Variants in TBC1D8 observed in about 807,000 individuals in gnomAD.
TBC1D8 encodes BUB2-like protein 1.
In TBC1D8, 65 loss-of-function variants were observed where a neutral mutation model predicts 118.8. The ratio of observed to expected loss-of-function variants is 0.55; its 90% CI spans 0.45 to 0.67. The LOEUF (loss-of-function observed/expected upper bound fraction) is 0.67, where lower values mean the gene tolerates loss of function less well. Ranked by LOEUF, TBC1D8 falls within the 30% of genes least tolerant of loss-of-function variation. The pLI, the probability that TBC1D8 is intolerant of heterozygous loss-of-function variation, is 0.00. For synonymous variants in TBC1D8, 566 were observed against 595.8 expected (o/e 0.95, Z 0.73); for missense variants, 1,376 against 1,471.2 (o/e 0.94, Z 1.06).
At chr2:101,111,274 T>G (rs928171898) in intron 1 of TBC1D8, among the ~76,000 whole-genome samples, 15 of 152,168 alleles carry the variant, frequency 9.9e-5, no homozygotes, top group African/African-American at 3.6e-4. Flanking sequence ...AAGAGATGAC[T>G]GCTATTTTTC....
intron 3 of TBC1D8, among the ~76,000 whole-genome samples, chr2:101,057,312 A>G (rs1225101198): frequency 2.0e-5 from 3 of 152,182 alleles, no homozygotes; most frequent in East Asian, 1.9e-4. Context: ...CCTGAGAGGA[A>G]TCTACATAAC....
chr2:101,123,446 G>A (rs1256607220), intron 1 of TBC1D8, among the ~76,000 whole-genome samples: 2 of 152,086 alleles, frequency 1.3e-5, no homozygotes, highest in Non-Finnish European at 2.9e-5. Context: ...ATTCAGAGTA[G>A]GCCACAACCA....
intron 17 of TBC1D8, among the ~76,000 whole-genome samples, chr2:101,013,976 T>C (rs906653121): frequency 6.6e-6 from 1 of 152,224 alleles, no homozygotes; most frequent in African/African-American, 2.4e-5. Flanking sequence ...GAAATTCCAA[T>C]ACAGCCAAGT....
chr2:101,042,077 C>T (rs1409302139), intron 5 of TBC1D8, among the ~76,000 whole-genome samples: 1 of 151,192 alleles, frequency 6.6e-6, no homozygotes, highest in East Asian at 1.9e-4. Flanking sequence ...AATCAATAAA[C>T]ATTAGTTATT....
intron 2 of TBC1D8, among the ~76,000 whole-genome samples, chr2:101,063,573 C>G (rs998874641): frequency 3.3e-5 from 5 of 152,160 alleles, no homozygotes; most frequent in African/African-American, 1.2e-4. Context: ...ACTGTAATTT[C>G]CTCTGCAGAG....
intron 1 of TBC1D8, among the ~76,000 whole-genome samples, chr2:101,092,965 A>G (rs555184502): frequency 2.2e-4 from 33 of 152,300 alleles, no homozygotes; most frequent in Non-Finnish European, 4.0e-4. Context: ...CAACACGTGG[A>G]GTCTCTTCTG....
chr2:101,147,183 T>C (rs894401074), intron 1 of TBC1D8, among the ~76,000 whole-genome samples: 1 of 151,358 alleles, frequency 6.6e-6, no homozygotes, highest in Non-Finnish European at 1.5e-5. Context: ...TAGTGTTCTG[T>C]TGTATATATC....
chr2:101,053,368 C>T (rs77976661), intron 4 of TBC1D8, among the ~76,000 whole-genome samples: 1,548 of 152,302 alleles, frequency 0.01, 35 homozygotes, highest in African/African-American at 0.035. Context: ...AGGAACACCA[C>T]GTGCCAGAAG....
intron 17 of TBC1D8, among the ~76,000 whole-genome samples, chr2:101,012,519 GAA>G (rs1182936136): frequency 1.3e-5 from 2 of 151,970 alleles, no homozygotes; most frequent in Non-Finnish European, 2.9e-5. Context: ...TACGGCTGGG[GAA>G]AATGGATACA....
At chr2:101,073,835 G>A (rs1674634975) in intron 2 of TBC1D8, among the ~76,000 whole-genome samples, 2 of 152,226 alleles carry the variant, frequency 1.3e-5, no homozygotes, top group African/African-American at 4.8e-5. Context: ...TTAAGAAAGT[G>A]AGAGTCTTGC....
intron 15 of TBC1D8, 109 bp from the exon 16 acceptor site, chr2:101,022,630 G>A (rs1680108000): frequency 7.0e-7 from 1 of 1,429,224 alleles, no homozygotes; most frequent in Non-Finnish European, 9.1e-7. Context: ...ACTCTAACTG[G>A]ATACGTAAAA....
chr2:101,081,348 C>T (rs1675250573), intron 2 of TBC1D8, among the ~76,000 whole-genome samples: 1 of 152,122 alleles, frequency 6.6e-6, no homozygotes. Context: ...TGGCACTTTC[C>T]TTTCTTTCTG....
chr2:101,070,850 T>C (rs989961647), intron 2 of TBC1D8, among the ~76,000 whole-genome samples: 23 of 152,208 alleles, frequency 1.5e-4, no homozygotes, highest in Non-Finnish European at 3.1e-4. Context: ...TAAAAATGGT[T>C]ACTGTAATTA....
chr2:101,036,571 T>C (rs988951010), intron 8 of TBC1D8, among the ~76,000 whole-genome samples: 2 of 152,064 alleles, frequency 1.3e-5, no homozygotes, highest in Non-Finnish European at 2.9e-5. Context: ...ACTGGTCAGC[T>C]CAGAGGGCAA....
At chr2:101,089,626 A>G (rs1353172879) in intron 2 of TBC1D8, among the ~76,000 whole-genome samples, 2 of 152,000 alleles carry the variant, frequency 1.3e-5, no homozygotes, top group Non-Finnish European at 2.9e-5. Context: ...TCATTCTCTC[A>G]GTGCAAAGGT....
intron 10 of TBC1D8, 125 bp downstream of exon 10, chr2:101,033,419 G>A (rs375588346): frequency 9.4e-5 from 108 of 1,146,950 alleles, no homozygotes; most frequent in Admixed American, 2.4e-4. Flanking sequence ...GAAAGGGACC[G>A]AGTACAGCGC....
chr2:101,040,137 C>T (rs1386830874), intron 6 of TBC1D8, 41 bp downstream of exon 6: 1 of 1,597,682 alleles, frequency 6.3e-7, no homozygotes, highest in African/African-American at 1.3e-5. Flanking sequence ...GTTCAAACAA[C>T]AAAAGGCTGC....
At chr2:101,128,766 T>C (rs1306648627) in intron 1 of TBC1D8, among the ~76,000 whole-genome samples, 1 of 152,232 alleles carries the variant, frequency 6.6e-6, no homozygotes. Context: ...TAGCCTCAAA[T>C]AATATTCCCT....
Position 101,127,197 on chromosome 2 carries a change from G to A in TBC1D8, c.127+23930C>T, listed in dbSNP as rs546615586. On this transcript the variant is annotated intron_variant, in intron 1 of 19. Coordinates refer to ENST00000409318, the MANE Select transcript of TBC1D8 (RefSeq NM_001330348.2). ...TAAAAATTCAAAAAATTAGCCAGGC[G>A]TGGTGGCAGGTGCCTGTAATCCCAG... Among the ~76,000 whole-genome samples the A allele has an allele frequency of 7.1e-4, 108 of 152,210 alleles. 1 individual carries two copies. The highest frequency in any genetic ancestry group is 2.4e-3 in the African/African-American group (101 of 41,522).
Sources: gnomAD v4.1 joint callset for allele counts (sites outside exome capture counted in the v4.1 genomes callset) on GRCh38, gnomAD v4.1.1 for gene constraint, MANE v1.5 for transcripts, NCBI Gene and HGNC (gene_info 2026-07-23, HGNC 2026-07-21) for gene names.